ADAM11: variants seen among roughly 807,000 people sequenced by gnomAD.
ADAM11 encodes the protein disintegrin and metalloproteinase domain-containing protein 11.
ADAM11 carries 49 observed loss-of-function variants against 119.1 expected under a neutral mutation model. The observed-to-expected ratio is 0.41, with a 90% CI of 0.33 to 0.52. The LOEUF (loss-of-function observed/expected upper bound fraction) is 0.52, where lower values mean the gene tolerates loss of function less well. Ranked by LOEUF, ADAM11 falls within the 20% of genes least tolerant of loss-of-function variation. The pLI is 0.20. For missense variants in ADAM11, 777 were observed against 1,047.5 expected, an observed-to-expected ratio of 0.74 and a Z score of 3.56; for synonymous variants, 364 against 408.0, an observed-to-expected ratio of 0.89 and a Z score of 1.30.
rs1291964871 is a variant in ADAM11, at chr17:44,781,578, T to C, written c.*1824T>C. The C allele has an allele frequency of 1.3e-5, 2 of 152,306 alleles. No homozygotes were observed. Among genetic ancestry groups the C allele is most frequent in the Non-Finnish European group, 2.9e-5 (2 of 68,078 alleles). 9.4% of individuals were successfully genotyped at this position (152,306 alleles called of 1,614,324 possible). A position where few individuals can be genotyped will look rare whatever the true frequency, so the allele number is the denominator to read the frequency against. On this transcript the variant is annotated 3_prime_UTR_variant, in exon 27 of 27. Coordinates refer to ENST00000200557, the MANE Select transcript of ADAM11 (RefSeq NM_002390.6). ...ACAAGTGTGAATACCTCTGCACATA[T>C]GGGCGTATCTGTGTGTGCTCGTGTA...
In ADAM11 at chr17:44,759,905, G is replaced by A; in HGVS notation, c.237+8G>A. On this transcript the variant is annotated splice_region_variant and intron_variant, in intron 2 of 26. Transcript: ENST00000200557. ...GAGCCACCAGGGGGCCCGGTGAGTGGGGCTGGGTGGTGAGGCCAGGGGCTG... is the reference window on the plus strand; with the variant it reads ...GAGCCACCAGGGGGCCCGGTGAGTGAGGCTGGGTGGTGAGGCCAGGGGCTG... 4 of 1,284,386 alleles carry A rather than the reference G, an allele frequency of 3.1e-6. No individual in the cohort carries two copies. Among genetic ancestry groups the A allele is most frequent in the Non-Finnish European group, 4.0e-6 (4 of 1,008,856 alleles). The allele number at this position is 1,284,386 out of a possible 1,614,324, so 79.6% of individuals were successfully genotyped here.
chr17:44,761,749 G>A (rs79637406), intron 2 of ADAM11, among the ~76,000 whole-genome samples: 1 of 152,234 alleles, frequency 6.6e-6, no homozygotes, highest in East Asian at 1.9e-4. Flanking sequence ...GGACTTCTAT[G>A]GGCCACTCTG....
At chr17:44,764,128 A>G (rs1421654101) in intron 2 of ADAM11, among the ~76,000 whole-genome samples, 1 of 152,154 alleles carries the variant, frequency 6.6e-6, no homozygotes, top group Non-Finnish European at 1.5e-5. Flanking sequence ...GGAGGTGACT[A>G]GGGTCAGGGG....
rs779292297 is a variant in ADAM11, at chr17:44,778,065, A to G, written c.2184A>G (p.Lys728=). The change falls in exon 24 of 27, where the codon AAA becomes AAG. Residue 728 remains lysine, a splice_region_variant and synonymous_variant. Coordinates refer to ENST00000200557, the MANE Select transcript of ADAM11 (RefSeq NM_002390.6). ...SPPTGETERY[K]GPSGTNIIIG... is the part of the protein sequence containing the mutation. The stretch of plus-strand genomic sequence containing the variant: ...CCACGGGGGAGACGGAGAGATATAA[A>G]GGTGAGGCTGGAGCTGGCCGAGGGG... 1 of 1,612,632 alleles carries G rather than the reference A, an allele frequency of 6.2e-7. No homozygotes were observed. Among genetic ancestry groups the G allele is most frequent in the South Asian group, 1.1e-5 (1 of 90,902 alleles).
Position 44,775,805 on chromosome 17 carries a change from T to A in ADAM11, c.1485+129T>A. ...CGAAGGCCTCTGGGGCAGGGCTTGA[T>A]GCGAAGACAGCGCCAATGGGGAGCA... On this transcript the variant is annotated intron_variant, in intron 17 of 26. Coordinates refer to ENST00000200557, the MANE Select transcript of ADAM11 (RefSeq NM_002390.6). This position sits in a 1 kb window ranked among gnomAD's most constrained non-coding sequence, Gnocchi z 7.5. 1.0e-6 allele frequency: 1 copy of A among 986,090 alleles called. No individual in the cohort carries two copies. Among genetic ancestry groups the A allele is most frequent in the Non-Finnish European group, 1.5e-6 (1 of 685,132 alleles). The allele number at this position is 986,090 out of a possible 1,614,324, so 61.1% of individuals were successfully genotyped here.
intron 2 of ADAM11, among the ~76,000 whole-genome samples, chr17:44,765,610 CTTTTTTTTT>C (rs748123040): frequency 3.0e-5 from 3 of 99,876 alleles, no homozygotes; most frequent in Admixed American, 1.4e-4. Context: ...TTTCTTTTCT[CTTTTTTTTT>C]TTTTTTTTTT....
intron 2 of ADAM11, 137 bp from the exon 3 acceptor site, chr17:44,769,581 G>A (rs961570525): frequency 9.1e-6 from 6 of 662,338 alleles, no homozygotes; most frequent in Non-Finnish European, 1.6e-5. Flanking sequence ...AAAGCATCTT[G>A]CCCCCAAATC....
At chr17:44,767,972 G>A (rs140093844) in intron 2 of ADAM11, among the ~76,000 whole-genome samples, 6 of 152,312 alleles carry the variant, frequency 3.9e-5, no homozygotes, top group Admixed American at 2.6e-4. Flanking sequence ...GTACCAATAC[G>A]TAGCCAACCT....
chr17:44,772,743 C>T lies in ADAM11; in HGVS notation c.679-114C>T. 1 of 1,005,786 alleles carries T rather than the reference C, an allele frequency of 9.9e-7. No homozygotes were observed. Among genetic ancestry groups the T allele is most frequent in the Non-Finnish European group, 1.5e-6 (1 of 664,146 alleles). The allele number at this position is 1,005,786 out of a possible 1,614,324, so 62.3% of individuals were successfully genotyped here. A position where few individuals can be genotyped will look rare whatever the true frequency, so the allele number is the denominator to read the frequency against. On this transcript the variant is annotated intron_variant, in intron 8 of 26. Transcript: ENST00000200557. The surrounding 1 kb of genome is among the most constrained non-coding windows in gnomAD (Gnocchi z 4.5). ...ACCCTCTGCCAGTGGGGAGCTGGCA[C>T]TGTCCCTGGCTGGAGTCCAGACCCC...
In ADAM11 at chr17:44,759,282, C is replaced by G; in HGVS notation, c.61+22C>G. 3.6e-6 allele frequency: 5 copies of G among 1,377,958 alleles called. No individual in the cohort carries two copies. The East Asian group carries it at 1.5e-4, about 42-fold the overall frequency. 85.4% of individuals were successfully genotyped at this position (1,377,958 alleles called of 1,614,324 possible). ...CCCGGTGAGTGACCCCCGCCCGGCCCCGGCGCCCCCTCCCTGCCCCCGCCC... is the reference window on the plus strand; with the variant it reads ...CCCGGTGAGTGACCCCCGCCCGGCCGCGGCGCCCCCTCCCTGCCCCCGCCC... On this transcript the variant is annotated intron_variant, in intron 1 of 26. Coordinates refer to ENST00000200557, the MANE Select transcript of ADAM11 (RefSeq NM_002390.6).
chr17:44,773,562 C>T lies in ADAM11; in HGVS notation c.992+135C>T, dbSNP rs892938367. On this transcript the variant is annotated intron_variant, in intron 11 of 26. Transcript: ENST00000200557. This position sits in a 1 kb window ranked among gnomAD's most constrained non-coding sequence, Gnocchi z 4.6. ...GGCTCACCTTGCACCTGCCACCTAC[C>T]CCCAGCCACATGCAACAGCTGGGCA... 3 of 1,087,018 alleles carry T rather than the reference C, an allele frequency of 2.8e-6. No individual in the cohort carries two copies. Among genetic ancestry groups the T allele is most frequent in the Non-Finnish European group, 2.6e-6 (2 of 776,468 alleles). 67.3% of individuals were successfully genotyped at this position (1,087,018 alleles called of 1,614,324 possible). A position where few individuals can be genotyped will look rare whatever the true frequency, so the allele number is the denominator to read the frequency against.
intron 2 of ADAM11, among the ~76,000 whole-genome samples, chr17:44,768,596 A>G (rs994453300): frequency 6.6e-6 from 1 of 152,180 alleles, no homozygotes; most frequent in African/African-American, 2.4e-5. Flanking sequence ...GTTGCTGCGA[A>G]GATCAAACAG....
In ADAM11 at chr17:44,777,725, T is replaced by G; in HGVS notation, c.1932T>G (p.Ser644=). Residue 644 remains serine, a synonymous_variant, in exon 23 of 27, where the codon TCT becomes TCG. Transcript: ENST00000200557. The surrounding 1 kb of genome is among the most constrained non-coding windows in gnomAD (Gnocchi z 5.1). ...GCCACGTGCAGCTGGCGGACGGCTC[T>G]GACCTGAGCTATGTGGAGGATGGCA... ...RGGHVQLADG[S]DLSYVEDGTA... is the part of the protein sequence containing the mutation. The G allele has an allele frequency of 6.2e-7, 1 of 1,614,004 alleles. No homozygotes were observed. The highest frequency in any genetic ancestry group is 1.1e-5 in the South Asian group (1 of 91,092).
chr17:44,779,422 C>T (rs1177821940), intron 26 of ADAM11, 183 bp downstream of exon 26: 1 of 985,240 alleles, frequency 1.0e-6, no homozygotes, highest in Non-Finnish European at 1.2e-6. Context: ...GGAAGAAGGT[C>T]CCAGCTGCCC....
chr17:44,777,767 C>G lies in ADAM11; in HGVS notation c.1974C>G (p.Asn658Lys). Residue 658 changes from asparagine to lysine, a missense_variant, in exon 23 of 27, where the codon AAC becomes AAG. Physicochemically the swap from Asn to Lys is moderately conservative, Grantham distance 94 (BLOSUM62 0). Around this residue, in one of 4 missense-constraint regions of ADAM11, gnomAD observed 348 missense variants for 486.7 expected, o/e 0.72. Coordinates refer to ENST00000200557, the MANE Select transcript of ADAM11 (RefSeq NM_002390.6). This position sits in a 1 kb window ranked among gnomAD's most constrained non-coding sequence, Gnocchi z 5.1. The stretch of plus-strand genomic sequence containing the variant: ...AGGATGGCACAGCCTGCGGGCCTAA[C>G]ATGTTGTGCCTGGACCATCGCTGCC... ...YVEDGTACGP[N>K]MLCLDHRCLP... 6.2e-7 allele frequency: 1 copy of G among 1,614,050 alleles called. No homozygotes were observed. The highest frequency in any genetic ancestry group is 8.5e-7 in the Non-Finnish European group (1 of 1,179,986).
In ADAM11 at chr17:44,779,885, C is replaced by G. The variant is rs183379885; in HGVS notation, c.*131C>G. 1 of 1,338,076 alleles carries G rather than the reference C, an allele frequency of 7.5e-7. No homozygotes were observed. The highest frequency in any genetic ancestry group is 1.0e-6 in the Non-Finnish European group (1 of 954,480). The allele number at this position is 1,338,076 out of a possible 1,614,324, so 82.9% of individuals were successfully genotyped here. ...GTCCAAACCCTTCAACTCCTGGCTC[C>G]GCAGGGGTTTGGGTGGGGGCTGTGG... On this transcript the variant is annotated 3_prime_UTR_variant, in exon 27 of 27. Transcript: ENST00000200557.
In ADAM11 at chr17:44,777,246, TG is replaced by T; in HGVS notation, c.1765del (p.Val589SerfsTer24). The T allele has an allele frequency of 6.2e-7, 1 of 1,606,368 alleles. No individual in the cohort carries two copies. On this transcript the variant is annotated frameshift_variant, in exon 21 of 27. Transcript: ENST00000200557. LOFTEE classifies it high-confidence loss of function. The surrounding 1 kb of genome is among the most constrained non-coding windows in gnomAD (Gnocchi z 5.1). ...GAGCTGTGGGCGCAAGGGATCTGGC[TG>T]GGTCCAGTGCAGTAAGCAGTGAGTA... is the stretch of plus-strand genomic sequence containing the variant. ...RGSCGRKGSGWVQCSKQDVLC... is the reference protein window; with the variant it reads ...RGSCGRKGSGXVQCSKQDVLC...
In ADAM11 at chr17:44,772,909, T is replaced by C. The variant is rs567539837; in HGVS notation, c.731T>C (p.Ile244Thr). ...VHSETKYVEL[I>T]VINDHQLFEQ... Reference sequence around the variant, plus strand: ...AGTGAAACCAAGTATGTGGAGCTAATTGTGATCAACGACCACCAGCTGGTG... The same window carrying C: ...AGTGAAACCAAGTATGTGGAGCTAACTGTGATCAACGACCACCAGCTGGTG... The change falls in exon 9 of 27, where the codon ATT becomes ACT. Residue 244 changes from isoleucine to threonine, a missense_variant. By Grantham distance (89) the Ile-to-Thr change is moderately conservative. Coordinates refer to ENST00000200557, the MANE Select transcript of ADAM11 (RefSeq NM_002390.6). The surrounding 1 kb of genome is among the most constrained non-coding windows in gnomAD (Gnocchi z 4.5). 6.2e-7 allele frequency: 1 copy of C among 1,613,998 alleles called. No homozygotes were observed. Among genetic ancestry groups the C allele is most frequent in the Admixed American group, 1.7e-5 (1 of 60,014 alleles).
At chr17:44,767,705 C>G (rs1371165001) in intron 2 of ADAM11, among the ~76,000 whole-genome samples, 1 of 152,256 alleles carries the variant, frequency 6.6e-6, no homozygotes, top group Non-Finnish European at 1.5e-5. Context: ...TGGTCTGAGC[C>G]CTGTGTCCTG....
Sources: gnomAD v4.1 joint callset for allele counts (sites outside exome capture counted in the v4.1 genomes callset) on GRCh38, gnomAD v4.1.1 for gene constraint, gnomAD v4.1.1 regional missense constraint, Gnocchi (gnomAD v3.1) non-coding constraint, MANE v1.5 for transcripts, NCBI Gene and HGNC (gene_info 2026-07-23, HGNC 2026-07-21) for gene names.